The following CFAP221 variants were observed in gnomAD, a reference collection of about 807,000 sequenced individuals.
CFAP221 encodes cilia and flagella associated protein 221.
CFAP221 carries 97 observed loss-of-function variants against 113.1 expected under a neutral mutation model. The observed-to-expected ratio is 0.86, with a 90% CI of 0.73 to 1.02. The LOEUF (loss-of-function observed/expected upper bound fraction) is 1.02, where lower values mean the gene tolerates loss of function less well. Among genes scored for constraint, CFAP221 ranks in the 50% least tolerant of loss-of-function variants. CFAP221 has a pLI of 0.00. For missense variants in CFAP221, 1,025 were observed against 1,013.4 expected (o/e 1.01, Z -0.16); for synonymous variants, 331 against 354.4 (o/e 0.93, Z 0.74).
chr2:119,608,960 A>G (rs750811375), intron 12 of CFAP221, among the ~76,000 whole-genome samples: 2 of 152,196 alleles, frequency 1.3e-5, no homozygotes, highest in Non-Finnish European at 2.9e-5. Context: ...GAGCATGAAG[A>G]CAAAAGAGAC....
intron 21 of CFAP221, 45 bp from the exon 22 acceptor site, chr2:119,646,913 T>C (rs1687845483): frequency 6.6e-7 from 1 of 1,524,930 alleles, no homozygotes. Context: ...CCCCAAGACT[T>C]CTAGTGTGAC....
intron 7 of CFAP221, among the ~76,000 whole-genome samples, chr2:119,599,413 T>C (rs1684213673): frequency 6.6e-6 from 1 of 152,220 alleles, no homozygotes; most frequent in Non-Finnish European, 1.5e-5. Flanking sequence ...GTTCATTCAC[T>C]CATTCAACAA....
chr2:119,559,931 C>T lies in CFAP221; in HGVS notation c.331C>T (p.His111Tyr). ...YFEINYVRKE[H>Y]HLVPGLSLTV... ...CAAGATGCCACCTGTCTTCCAGGAA[C>T]ACCACCTGGTCCCTGGCTTGTCCCT... Residue 111 changes from histidine to tyrosine, a missense_variant, in exon 5 of 24, where the codon CAC becomes TAC. Coordinates refer to ENST00000413369, the MANE Select transcript of CFAP221 (RefSeq NM_001271049.2). The T allele has an allele frequency of 3.3e-6, 5 of 1,535,554 alleles. No individual in the cohort carries two copies. The highest frequency in any genetic ancestry group is 3.5e-6 in the Non-Finnish European group (4 of 1,146,478).
rs199818768 is a variant in CFAP221, at chr2:119,638,254, G to A, written c.1975-5G>A. 165 of 1,613,676 alleles carry A rather than the reference G, an allele frequency of 1.0e-4. No individual in the cohort carries two copies. Among genetic ancestry groups the A allele is most frequent in the Middle Eastern group, 6.6e-4 (4 of 6,084 alleles). ...AAAAGAATATTTTTTCCCTGTCTTCGGCAGAATCCCAACCCAGGATTATTT... is the reference window on the plus strand; with the variant it reads ...AAAAGAATATTTTTTCCCTGTCTTCAGCAGAATCCCAACCCAGGATTATTT... On this transcript the variant is annotated splice_polypyrimidine_tract_variant and splice_region_variant and intron_variant, in intron 19 of 23. Transcript: ENST00000413369.
At chr2:119,548,547 G>A (rs1680204816) in intron 2 of CFAP221, among the ~76,000 whole-genome samples, 2 of 152,176 alleles carry the variant, frequency 1.3e-5, no homozygotes, top group South Asian at 4.1e-4. Context: ...GACACCAAAA[G>A]CAGTTTGAGA....
At chr2:119,586,036 C>T (rs1374552622) in intron 6 of CFAP221, among the ~76,000 whole-genome samples, 1 of 152,092 alleles carries the variant, frequency 6.6e-6, no homozygotes, top group African/African-American at 2.4e-5. Flanking sequence ...AGGGGATGGG[C>T]TGTTGGCAGG....
rs182665039 is a variant in CFAP221, at chr2:119,610,074, G to A, written c.1221+1485G>A. ...TCAAGTATTGTCTGTCAACCCAACA[G>A]TGGAATGCTGTTTTCTAACCTTTTT... On this transcript the variant is annotated intron_variant, in intron 12 of 23. Transcript: ENST00000413369. 5.3e-5 allele frequency among the ~76,000 whole-genome samples: 8 copies of A among 152,326 alleles called. No individual in the cohort carries two copies. The East Asian group carries it at 1.3e-3, about 26-fold the overall frequency.
At chr2:119,621,402 A>G (rs1309170544) in intron 14 of CFAP221, among the ~76,000 whole-genome samples, 1 of 152,190 alleles carries the variant, frequency 6.6e-6, no homozygotes, top group Admixed American at 6.5e-5. Flanking sequence ...GCAAGCTCTC[A>G]GAGACTACAA....
At chr2:119,546,371 T>A in intron 2 of CFAP221, 101 bp downstream of exon 2, 11 of 1,296,584 alleles carry the variant, frequency 8.5e-6, no homozygotes, top group Non-Finnish European at 1.1e-5. Context: ...TTTATCTATA[T>A]CATTTTATAG....
At chr2:119,589,532 T>G (rs1683452550) in intron 7 of CFAP221, 1 of 152,270 alleles carries the variant, frequency 6.6e-6, no homozygotes, top group South Asian at 2.1e-4. Flanking sequence ...TTCAAGCACG[T>G]GTTTGGTAAC....
chr2:119,624,716 T>C (rs563865169), intron 14 of CFAP221, among the ~76,000 whole-genome samples: 12 of 152,336 alleles, frequency 7.9e-5, no homozygotes, highest in Non-Finnish European at 1.6e-4. Context: ...TCATGTCCTT[T>C]GCAGGGACAT....
In CFAP221 at chr2:119,559,930, A is replaced by G; in HGVS notation, c.330A>G (p.Glu110=). Reference sequence around the variant, plus strand: ...ACAAGATGCCACCTGTCTTCCAGGAACACCACCTGGTCCCTGGCTTGTCCC... The same window carrying G: ...ACAAGATGCCACCTGTCTTCCAGGAGCACCACCTGGTCCCTGGCTTGTCCC... ...KYFEINYVRK[E]HHLVPGLSLT... The change falls in exon 5 of 24, where the codon GAA becomes GAG. Residue 110 remains glutamate (E), a splice_region_variant and synonymous_variant. Coordinates refer to ENST00000413369, the MANE Select transcript of CFAP221 (RefSeq NM_001271049.2). 4.6e-6 allele frequency: 7 copies of G among 1,535,460 alleles called. No individual in the cohort carries two copies. Among genetic ancestry groups the G allele is most frequent in the Non-Finnish European group, 6.1e-6 (7 of 1,146,496 alleles).
chr2:119,651,072 T>C (rs1375272956), intron 22 of CFAP221, among the ~76,000 whole-genome samples: 1 of 152,182 alleles, frequency 6.6e-6, no homozygotes, highest in Non-Finnish European at 1.5e-5. Context: ...AGTTAAGTTG[T>C]CCATTTTACT....
At position 119,559,710 on chromosome 2, in the gene CFAP221, G is replaced by A. The variant is rs1021587205; in HGVS notation, c.262G>A (p.Glu88Lys). ...CCAGCATCTGGTCAATGTTTCCAAT[G>A]AAGACACACGTGTTCATATTTTACC... ...QILHLVNVSN[E>K]DTRVHILPPQ... The change falls in exon 4 of 24, where the codon GAA (glutamate) becomes AAA (lysine). Residue 88 changes from glutamate to lysine, a missense_variant. Physicochemically the swap from Glu to Lys is moderately conservative, Grantham distance 56. Transcript: ENST00000413369. 4.4e-5 allele frequency: 68 copies of A among 1,531,262 alleles called. No individual in the cohort carries two copies. The highest frequency in any genetic ancestry group is 5.7e-5 in the Non-Finnish European group (65 of 1,142,754). 94.9% of individuals were successfully genotyped at this position (1,531,262 alleles called of 1,614,324 possible).
At chr2:119,633,187 G>A (rs1034594241) in intron 19 of CFAP221, among the ~76,000 whole-genome samples, 3 of 151,902 alleles carry the variant, frequency 2.0e-5, no homozygotes, top group African/African-American at 7.2e-5. Flanking sequence ...ATTTCAATTA[G>A]TACCTCACAC....
At chr2:119,657,717 TCTC>T (rs750862681), downstream of CFAP221, among the ~76,000 whole-genome samples, 6 of 152,168 alleles carry the variant, frequency 3.9e-5, no homozygotes, top group Admixed American at 2.6e-4. Context: ...GTCCCCTTCT[TCTC>T]CTCATCTGTG....
chr2:119,587,263 A>G (rs929313438), intron 7 of CFAP221, 41 bp downstream of exon 7: 100 of 1,343,154 alleles, frequency 7.4e-5, no homozygotes, highest in Non-Finnish European at 9.7e-5. Context: ...AACAAGAATA[A>G]GCTGCATTCA....
At chr2:119,546,335 G>T in intron 2 of CFAP221, 65 bp downstream of exon 2, 1 of 1,464,956 alleles carries the variant, frequency 6.8e-7, no homozygotes, top group South Asian at 1.3e-5. Context: ...AAAGTCCAGA[G>T]AGCATAATGG....
rs1001923414 is a variant in CFAP221, at chr2:119,631,075, A to G, written c.1974+174A>G. 11 of 1,316,628 alleles carry G rather than the reference A, an allele frequency of 8.4e-6. 2 individuals are homozygous for G. Among genetic ancestry groups the G allele is most frequent in the Middle Eastern group, 5.7e-4 (2 of 3,486 alleles). The allele number at this position is 1,316,628 out of a possible 1,614,324, so 81.6% of individuals were successfully genotyped here. Reference sequence around the variant, plus strand: ...CTTTATTTTTTGGAGAATATCAGTGATTCCGTCTTTTAGCAATTCCTGCAT... The same window carrying G: ...CTTTATTTTTTGGAGAATATCAGTGGTTCCGTCTTTTAGCAATTCCTGCAT... On this transcript the variant is annotated intron_variant, in intron 19 of 23. Coordinates refer to ENST00000413369, the MANE Select transcript of CFAP221 (RefSeq NM_001271049.2).
Sources: gnomAD v4.1 joint callset for allele counts (sites outside exome capture counted in the v4.1 genomes callset) on GRCh38, gnomAD v4.1.1 for gene constraint, MANE v1.5 for transcripts, NCBI Gene and HGNC (gene_info 2026-07-23, HGNC 2026-07-21) for gene names.